Variants in CTNNA2 observed in about 807,000 individuals in gnomAD.
The protein encoded by CTNNA2 is catenin alpha-2.
CTNNA2 carries 42 observed loss-of-function variants against 101.0 expected under a neutral mutation model. The observed-to-expected ratio is 0.42, with a 90% CI of 0.32 to 0.54. The LOEUF (loss-of-function observed/expected upper bound fraction) is 0.54, where lower values mean the gene tolerates loss of function less well. CTNNA2 is among the 20% of genes least tolerant of loss of function. CTNNA2 has a pLI of 0.14. For missense variants in CTNNA2, 871 were observed against 1,223.1 expected, an observed-to-expected ratio of 0.71 and a Z score of 4.29; for synonymous variants, 450 against 456.4, an observed-to-expected ratio of 0.99 and a Z score of 0.18.
chr2:79,593,887 T>G (rs923533713), intron 1 of CTNNA2, among the ~76,000 whole-genome samples: 1 of 121,528 alleles, frequency 8.2e-6, no homozygotes, highest in Non-Finnish European at 1.8e-5. Flanking sequence ...TTAGTTTTTT[T>G]TTTTTTTTTT....
chr2:80,370,881 C>T (rs10432693), intron 7 of CTNNA2, among the ~76,000 whole-genome samples: 12,784 of 152,144 alleles, frequency 0.084, 870 homozygotes, highest in African/African-American at 0.19. Context: ...CAAGAGGCTT[C>T]ATAAAGAAAT....
chr2:79,245,553 C>A (rs1243448606), intron 2 of CTNNA2, among the ~76,000 whole-genome samples: 4 of 152,188 alleles, frequency 2.6e-5, no homozygotes, highest in Non-Finnish European at 4.4e-5. Flanking sequence ...CCCAGACCCT[C>A]CCAGGAAGCT....
intron 7 of CTNNA2, among the ~76,000 whole-genome samples, chr2:80,132,530 T>A (rs556371281): frequency 1.3e-5 from 2 of 152,186 alleles, no homozygotes; most frequent in South Asian, 2.1e-4. Context: ...ATGGGTGGTG[T>A]AAGGGCTTTA....
chr2:79,501,585 A>T (rs887353329), intron 4 of CTNNA2, among the ~76,000 whole-genome samples: 2 of 152,242 alleles, frequency 1.3e-5, no homozygotes, highest in Non-Finnish European at 2.9e-5. Context: ...GCTTATAGAA[A>T]CAAAATTACA....
chr2:79,376,450 GGTTTT>G (rs1459770490), intron 4 of CTNNA2, among the ~76,000 whole-genome samples: 3 of 61,386 alleles, frequency 4.9e-5, no homozygotes, highest in East Asian at 1.1e-3. Flanking sequence ...CTTGTTGGTT[GGTTTT>G]GTTTTTGTTT....
chr2:80,331,707 G>T (rs1281440279), intron 7 of CTNNA2, among the ~76,000 whole-genome samples: 1 of 152,074 alleles, frequency 6.6e-6, no homozygotes, highest in East Asian at 1.9e-4. Flanking sequence ...AAAAGGGCAG[G>T]GTGATCTCCA....
chr2:80,522,067 C>A (rs1416124745), intron 9 of CTNNA2, among the ~76,000 whole-genome samples: 1 of 152,218 alleles, frequency 6.6e-6, no homozygotes, highest in African/African-American at 2.4e-5. Flanking sequence ...ATATTTCTTT[C>A]TAGAAGCTCC....
Position 80,230,505 on chromosome 2 carries a change from G to T in CTNNA2, c.1057-162706G>T, listed in dbSNP as rs759593961. Reference sequence around the variant, plus strand: ...GATTCATCTAGGAATCCAGGTGTAAGCCAAACAGTTTGTGGCATTTATCAG... The same window carrying T: ...GATTCATCTAGGAATCCAGGTGTAATCCAAACAGTTTGTGGCATTTATCAG... On this transcript the variant is annotated intron_variant, in intron 7 of 18. Transcript: ENST00000402739. Among the ~76,000 whole-genome samples the T allele has an allele frequency of 3.3e-5, 5 of 151,994 alleles. 1 individual carries two copies. The highest frequency in any genetic ancestry group is 1.3e-4 in the Admixed American group (2 of 15,250).
intron 1 of CTNNA2, among the ~76,000 whole-genome samples, chr2:79,538,595 G>T (rs934822525): frequency 6.6e-6 from 1 of 152,176 alleles, no homozygotes; most frequent in African/African-American, 2.4e-5. Context: ...ATAGCAGGTA[G>T]GGCTGGAAAT....
At chr2:79,269,243 TA>T (rs890432018) in intron 2 of CTNNA2, among the ~76,000 whole-genome samples, 16 of 152,100 alleles carry the variant, frequency 1.1e-4, no homozygotes, top group Non-Finnish European at 2.2e-4. Flanking sequence ...GCAAAGATCT[TA>T]AAATATTGAC....
At chr2:80,206,272 C>T (rs868703359) in intron 7 of CTNNA2, among the ~76,000 whole-genome samples, 1 of 152,154 alleles carries the variant, frequency 6.6e-6, no homozygotes, top group Non-Finnish European at 1.5e-5. Context: ...TGTTCCCAAC[C>T]CTTATGTAAA....
At chr2:79,254,029 A>T (rs1260390377) in intron 2 of CTNNA2, among the ~76,000 whole-genome samples, 1 of 152,188 alleles carries the variant, frequency 6.6e-6, no homozygotes, top group Non-Finnish European at 1.5e-5. Flanking sequence ...AGTTGGCCTC[A>T]GATGGAACCG....
intron 7 of CTNNA2, among the ~76,000 whole-genome samples, chr2:79,940,310 G>A (rs1836206): frequency 0.88 from 133,968 of 152,196 alleles, 59,311 homozygotes; most frequent in East Asian, 0.95. Flanking sequence ...ATTTTCTACA[G>A]ATTTTCTGAA....
intron 4 of CTNNA2, among the ~76,000 whole-genome samples, chr2:79,502,290 T>C (rs1381816110): frequency 6.6e-6 from 1 of 152,252 alleles, no homozygotes; most frequent in African/African-American, 2.4e-5. Context: ...ATGTGCTATC[T>C]TGAGTAGCTA....
At chr2:79,213,024 T>C (rs1275207593) in intron 2 of CTNNA2, among the ~76,000 whole-genome samples, 1 of 152,036 alleles carries the variant, frequency 6.6e-6, no homozygotes, top group Admixed American at 6.6e-5. Context: ...GACGACAGAA[T>C]AGAATGGGCC....
At chr2:79,753,222 C>T (rs1186004850) in intron 3 of CTNNA2, among the ~76,000 whole-genome samples, 1 of 152,168 alleles carries the variant, frequency 6.6e-6, no homozygotes, top group Admixed American at 6.5e-5. Context: ...TTTTATGAGG[C>T]ATAATTTGCC....
intron 3 of CTNNA2, among the ~76,000 whole-genome samples, chr2:79,320,457 G>A (rs926425614): frequency 2.0e-5 from 3 of 151,984 alleles, no homozygotes; most frequent in African/African-American, 7.2e-5. Flanking sequence ...TAGGCACAGG[G>A]CGTATTATAG....
chr2:79,870,552 G>T, intron 5 of CTNNA2, among the ~76,000 whole-genome samples: 1 of 152,080 alleles, frequency 6.6e-6, no homozygotes, highest in East Asian at 1.9e-4. Context: ...TGTGTGACCT[G>T]GGATCTCCTC....
At chr2:79,662,889 C>A (rs997187579) in intron 2 of CTNNA2, among the ~76,000 whole-genome samples, 1 of 152,104 alleles carries the variant, frequency 6.6e-6, no homozygotes, top group Admixed American at 6.6e-5. Flanking sequence ...GATTTATTTC[C>A]TCCCCCATTA....
Sources: gnomAD v4.1 joint callset for allele counts (sites outside exome capture counted in the v4.1 genomes callset) on GRCh38, gnomAD v4.1.1 for gene constraint, MANE v1.5 for transcripts, NCBI Gene and HGNC (gene_info 2026-07-23, HGNC 2026-07-21) for gene names.